FBN2: variants seen among roughly 807,000 people sequenced by gnomAD.
FBN2 encodes the protein fibrillin 2.
FBN2 carries 105 observed loss-of-function variants against 355.6 expected under a neutral mutation model. The observed-to-expected ratio is 0.30, with a 90% CI of 0.25 to 0.35. The LOEUF is 0.35. Among genes scored for constraint, FBN2 ranks in the 10% least tolerant of loss-of-function variants. FBN2 has a pLI of 1.00. For synonymous variants in FBN2, 1,350 were observed against 1,301.2 expected (o/e 1.04, Z -0.81); for missense variants, 3,280 against 3,758.7 (o/e 0.87, Z 3.33).
intron 2 of FBN2, among the ~76,000 whole-genome samples, chr5:128,531,334 C>T (rs550688951): frequency 5.3e-5 from 8 of 152,068 alleles, no homozygotes; most frequent in Admixed American, 6.5e-5. Flanking sequence ...ACTGTATGTT[C>T]TCACTGATAT....
In FBN2 at chr5:128,338,966, C is replaced by T. The variant is rs1364065855; in HGVS notation, c.3439G>A (p.Glu1147Lys). The T allele has an allele frequency of 1.9e-6, 3 of 1,614,140 alleles. No individual in the cohort carries two copies. Among genetic ancestry groups the T allele is most frequent in the South Asian group, 2.2e-5 (2 of 91,078 alleles). The change falls in exon 26 of 65, where the codon GAA becomes AAA. Residue 1147 changes from glutamate to lysine, a missense_variant. Physicochemically the swap from Glu to Lys is moderately conservative, Grantham distance 56. Coordinates refer to ENST00000262464, the MANE Select transcript of FBN2 (RefSeq NM_001999.4). ...SFECECFEGYESGFMMMKNCM... is the reference protein window; with the variant it reads ...SFECECFEGYKSGFMMMKNCM... ...TTCTTCATCATCATGAAGCCACTTT[C>T]ATAGCCTTCGAAGCACTCGCACTCA... is the stretch of plus-strand genomic sequence containing the variant.
chr5:128,296,355 A>G (rs1256242779), intron 48 of FBN2, among the ~76,000 whole-genome samples: 2 of 152,300 alleles, frequency 1.3e-5, no homozygotes, highest in East Asian at 1.9e-4. Flanking sequence ...GCCTCATAAC[A>G]TGAGTTAGGG....
chr5:128,473,019 C>T (rs1000465145), intron 5 of FBN2, among the ~76,000 whole-genome samples: 3 of 152,146 alleles, frequency 2.0e-5, no homozygotes, highest in Admixed American at 6.6e-5. Flanking sequence ...CCACGCCCCT[C>T]GTGATGGATA....
chr5:128,466,280 CT>C (rs1339332817), intron 5 of FBN2, among the ~76,000 whole-genome samples: 1 of 152,064 alleles, frequency 6.6e-6, no homozygotes, highest in Admixed American at 6.5e-5. Flanking sequence ...TTTATTAATT[CT>C]TGGGAATACA....
At chr5:128,306,570 T>C (rs1044508900) in intron 42 of FBN2, among the ~76,000 whole-genome samples, 1 of 151,944 alleles carries the variant, frequency 6.6e-6, no homozygotes, top group Non-Finnish European at 1.5e-5. Flanking sequence ...TACAGTGAGC[T>C]GAGATCGCGC....
At chr5:128,274,111 CT>C in intron 60 of FBN2, 143 bp from the exon 61 acceptor site, 3 of 880,436 alleles carry the variant, frequency 3.4e-6, no homozygotes, top group Non-Finnish European at 5.6e-6. Context: ...CCAAAATTCA[CT>C]GTCATATTAA....
chr5:128,521,457 C>T (rs1476486782), intron 4 of FBN2, among the ~76,000 whole-genome samples: 1 of 152,096 alleles, frequency 6.6e-6, no homozygotes, highest in Non-Finnish European at 1.5e-5. Context: ...TGCAACAAAC[C>T]ACCATGGCAC....
chr5:128,410,066 T>C (rs1027734715), intron 7 of FBN2, among the ~76,000 whole-genome samples: 1 of 152,198 alleles, frequency 6.6e-6, no homozygotes, highest in Admixed American at 6.5e-5. Context: ...AGACATTCTA[T>C]GAAATAATAT....
Position 128,330,873 on chromosome 5 carries a change from T to C in FBN2, c.4223-178A>G, listed in dbSNP as rs469722. 0.3 allele frequency among the ~76,000 whole-genome samples: 45,697 copies of C among 152,102 alleles called. 7,207 individuals carry two copies. The highest frequency in any genetic ancestry group is 0.35 in the Non-Finnish European group (23,711 of 67,974). On this transcript the variant is annotated intron_variant, in intron 32 of 64. Transcript: ENST00000262464. ...CAATGTCCAATGTCCAGGCTATAAA[T>C]GTGGGCCAAAATTATGAATTCAAGC...
intron 33 of FBN2, 104 bp downstream of exon 33, chr5:128,330,469 G>C (rs1425833997): frequency 1.7e-6 from 2 of 1,177,722 alleles, no homozygotes; most frequent in African/African-American, 3.0e-5. Context: ...AAAAAAAGAG[G>C]TAGTTACTTT....
Position 128,291,431 on chromosome 5 carries a change from A to G in FBN2, c.6292+98T>C. 15 of 1,336,136 alleles carry G rather than the reference A, an allele frequency of 1.1e-5. No individual in the cohort carries two copies. The South Asian group carries it at 1.8e-4, about 16-fold the overall frequency. The allele number at this position is 1,336,136 out of a possible 1,614,324, so 82.8% of individuals were successfully genotyped here. On this transcript the variant is annotated intron_variant, in intron 49 of 64. Transcript: ENST00000262464. ...CTTGCAGATGTATTTTAGCATAGAC[A>G]TGTATTTTGTTAGGACTAATACCAG...
chr5:128,395,329 A>G lies in FBN2; in HGVS notation c.1079-55T>C, dbSNP rs1051350099. 7 of 1,588,992 alleles carry G rather than the reference A, an allele frequency of 4.4e-6. No homozygotes were observed. In the African/African-American group the frequency reaches 8.1e-5, roughly 18 times the overall value. On this transcript the variant is annotated intron_variant, in intron 8 of 64. Coordinates refer to ENST00000262464, the MANE Select transcript of FBN2 (RefSeq NM_001999.4). ...TGGCAGAATTACCTCAGGTTCTTAC[A>G]ACAATCACTGTACATGAGATGAATG...
chr5:128,453,750 C>A (rs1450998228), intron 6 of FBN2, among the ~76,000 whole-genome samples: 1 of 152,060 alleles, frequency 6.6e-6, no homozygotes, highest in Admixed American at 6.6e-5. Flanking sequence ...TCAAAGGAAA[C>A]GTGTTGGTTT....
intron 19 of FBN2, 103 bp from the exon 20 acceptor site, chr5:128,357,498 C>T: frequency 1.4e-6 from 2 of 1,421,902 alleles, no homozygotes; most frequent in Non-Finnish European, 9.8e-7. Context: ...AAACTTGGCT[C>T]TGGTAATTTT....
chr5:128,481,360 G>A (rs1017811504), intron 5 of FBN2, among the ~76,000 whole-genome samples: 30 of 152,254 alleles, frequency 2.0e-4, no homozygotes, highest in Admixed American at 1.5e-3. Context: ...CTGATCAGCC[G>A]TGATATTATC....
chr5:128,304,499 T>A (rs1179621755), intron 45 of FBN2, among the ~76,000 whole-genome samples: 2 of 152,226 alleles, frequency 1.3e-5, no homozygotes, highest in Non-Finnish European at 2.9e-5. Context: ...ATCCCACTAT[T>A]CAACAATTTG....
chr5:128,319,146 TAAGTGTA>T, intron 34 of FBN2, 145 bp from the exon 35 acceptor site: 1 of 656,608 alleles, frequency 1.5e-6, no homozygotes, highest in Admixed American at 2.5e-5. Flanking sequence ...GCTAGGTAGA[TAAGTGTA>T]AAGGGCAAGC....
intron 25 of FBN2, among the ~76,000 whole-genome samples, chr5:128,343,705 G>T (rs1581230208): frequency 6.6e-6 from 1 of 152,314 alleles, no homozygotes; most frequent in South Asian, 2.1e-4. Flanking sequence ...ATGAGGAAAA[G>T]AAGTAATAAC....
At chr5:128,411,814 G>A (rs372552708) in intron 7 of FBN2, among the ~76,000 whole-genome samples, 1 of 152,186 alleles carries the variant, frequency 6.6e-6, no homozygotes, top group Non-Finnish European at 1.5e-5. Context: ...CCTGCCTCCT[G>A]TCTGTATCAC....
Sources: gnomAD v4.1 joint callset for allele counts (sites outside exome capture counted in the v4.1 genomes callset) on GRCh38, gnomAD v4.1.1 for gene constraint, MANE v1.5 for transcripts, NCBI Gene and HGNC (gene_info 2026-07-23, HGNC 2026-07-21) for gene names.